PCDHGB3: variants seen among roughly 807,000 people sequenced by gnomAD.
PCDHGB3 encodes the protein protocadherin gamma subfamily B, 3, also known as protocadherin gamma-B3.
Under a neutral mutation model 59.2 loss-of-function variants are expected in PCDHGB3, and 40 were observed. That is an observed-to-expected ratio of 0.68 (90% CI 0.52 to 0.88). The LOEUF is 0.88. Ranked by LOEUF, PCDHGB3 falls within the 40% of genes least tolerant of loss-of-function variation. The pLI is 0.00. For synonymous variants in PCDHGB3, 581 were observed against 503.6 expected, an observed-to-expected ratio of 1.15 and a Z score of -2.06; for missense variants, 1,309 against 1,187.9, an observed-to-expected ratio of 1.10 and a Z score of -1.50.
At chr5:141,380,834 G>T (rs559775684) in intron 1 of PCDHGB3, among the ~76,000 whole-genome samples, 2 of 152,154 alleles carry the variant, frequency 1.3e-5, no homozygotes, top group Admixed American at 1.3e-4. Flanking sequence ...TGAGGCATCA[G>T]GTAAAAATGG....
intron 1 of PCDHGB3, chr5:141,384,375 C>T (rs190245807): frequency 6.2e-7 from 1 of 1,613,912 alleles, no homozygotes; most frequent in South Asian, 1.1e-5. Flanking sequence ...ATTCCTTGGC[C>T]GAAGACACCA....
At chr5:141,505,576 T>C in intron 3 of PCDHGB3, 95 bp downstream of exon 3, 5 of 1,590,334 alleles carry the variant, frequency 3.1e-6, no homozygotes, top group Admixed American at 1.7e-5. Context: ...ATGTCAAACC[T>C]GTGTAGTTTC....
rs745334496 is a variant in PCDHGB3 at position 141,478,302 on chromosome 5, C to A, written c.2416-16505C>A. 47 of 1,613,952 alleles carry A rather than the reference C, an allele frequency of 2.9e-5. 1 individual carries two copies. In the Admixed American group the frequency reaches 7.0e-4, roughly 24 times the overall value. On this transcript the variant is annotated intron_variant, in intron 1 of 3. Transcript: ENST00000576222. ...AAGCAGTCTAGAGACCTATACCGAGCCCCGGTGAGCTCACTGTACCGAACA... is the reference window on the plus strand; with the variant it reads ...AAGCAGTCTAGAGACCTATACCGAGACCCGGTGAGCTCACTGTACCGAACA...
chr5:141,379,192 T>A (rs970501153), intron 1 of PCDHGB3: 36 of 152,346 alleles, frequency 2.4e-4, no homozygotes, highest in African/African-American at 8.7e-4. Context: ...AGTTGATGTG[T>A]TTTTAAATAA....
chr5:141,399,627 CG>C (rs2093851448), intron 1 of PCDHGB3: 1 of 1,613,906 alleles, frequency 6.2e-7, no homozygotes, highest in Non-Finnish European at 8.5e-7. Context: ...TGGCCTCTTA[CG>C]TGTCCATGAG....
intron 1 of PCDHGB3, chr5:141,389,398 T>C (rs1384148422): frequency 1.2e-6 from 2 of 1,613,536 alleles, no homozygotes; most frequent in East Asian, 4.5e-5. Flanking sequence ...TACGTGTCCA[T>C]AAGCGCGGAG....
In PCDHGB3 at chr5:141,385,111, T is replaced by G. The variant is rs373196114; in HGVS notation, c.2415+12302T>G. 2.8e-5 allele frequency: 46 copies of G among 1,614,188 alleles called. No individual in the cohort carries two copies. The African/African-American group carries it at 5.6e-4, about 20-fold the overall frequency. On this transcript the variant is annotated intron_variant, in intron 1 of 3. Transcript: ENST00000576222. ...AGGTGGCTTGGCGAACGTGCCCACCTCGCACTTTGTGGGCATGGACGGGGT... is the reference window on the plus strand; with the variant it reads ...AGGTGGCTTGGCGAACGTGCCCACCGCGCACTTTGTGGGCATGGACGGGGT...
Position 141,432,668 on chromosome 5 carries a change from G to C in PCDHGB3, c.2415+59859G>C, listed in dbSNP as rs1202414814. 2.5e-6 allele frequency: 4 copies of C among 1,613,742 alleles called. No individual in the cohort carries two copies. The highest frequency in any genetic ancestry group is 2.2e-5 in the South Asian group (2 of 91,068). On this transcript the variant is annotated intron_variant, in intron 1 of 3. Coordinates refer to ENST00000576222, the MANE Select transcript of PCDHGB3 (RefSeq NM_018924.5). This position sits in a 1 kb window ranked among gnomAD's most constrained non-coding sequence, Gnocchi z 6.0. The stretch of plus-strand genomic sequence containing the variant: ...GGCGCGAGCCCTGCTGGACAGAGAC[G>C]CGCTCAAGCAGAGCCTCGTAGTGGC...
intron 1 of PCDHGB3, among the ~76,000 whole-genome samples, chr5:141,438,771 C>T (rs1056879944): frequency 1.3e-5 from 2 of 149,126 alleles, no homozygotes; most frequent in Non-Finnish European, 3.0e-5. Flanking sequence ...AAGCGATTCT[C>T]CTGCCTCAGC....
intron 1 of PCDHGB3, chr5:141,384,357 G>A (rs1226263341): frequency 1.2e-6 from 2 of 1,613,734 alleles, no homozygotes; most frequent in African/African-American, 2.7e-5. Flanking sequence ...ATAATGCCCA[G>A]ATCACTTATT....
intron 1 of PCDHGB3, chr5:141,409,458 A>G (rs1435071611): frequency 4.3e-6 from 7 of 1,613,820 alleles, no homozygotes; most frequent in East Asian, 2.2e-5. Context: ...CCAGAATACA[A>G]TGTCACCATC....
At chr5:141,375,992 G>C in intron 1 of PCDHGB3, 5 of 1,613,446 alleles carry the variant, frequency 3.1e-6, no homozygotes, top group Non-Finnish European at 4.2e-6. Context: ...GGACAGAGAC[G>C]CGCTCAAGCA....
At chr5:141,480,942 G>T (rs2099528600) in intron 1 of PCDHGB3, among the ~76,000 whole-genome samples, 3 of 152,132 alleles carry the variant, frequency 2.0e-5, no homozygotes, top group Non-Finnish European at 2.9e-5. Flanking sequence ...CTACTCTAGA[G>T]GCTGAGGCGG....
At chr5:141,382,900 A>G (rs564801333) in intron 1 of PCDHGB3, 1 of 1,542,254 alleles carries the variant, frequency 6.5e-7, no homozygotes, top group South Asian at 1.3e-5. Context: ...CAGGACGACT[A>G]TGGCGGCTCA....
chr5:141,404,499 C>T lies in PCDHGB3; in HGVS notation c.2415+31690C>T, dbSNP rs147632103. ...AACTCAGACACTGGTGTGCTGTATG[C>T]TCTGTGCTCCTTTGACTATGAGCAG... On this transcript the variant is annotated intron_variant, in intron 1 of 3. Coordinates refer to ENST00000576222, the MANE Select transcript of PCDHGB3 (RefSeq NM_018924.5). 1.0e-4 allele frequency: 163 copies of T among 1,613,840 alleles called. 1 individual carries two copies. The East Asian group carries it at 3.6e-3, about 36-fold the overall frequency.
intron 1 of PCDHGB3, among the ~76,000 whole-genome samples, chr5:141,475,504 T>C (rs1202550150): frequency 1.3e-5 from 2 of 152,254 alleles, no homozygotes; most frequent in Non-Finnish European, 2.9e-5. Flanking sequence ...AAATTATTAA[T>C]GTCTCCACGG....
chr5:141,403,384 A>C lies in PCDHGB3; in HGVS notation c.2415+30575A>C, dbSNP rs201959000. 4.4e-4 allele frequency: 703 copies of C among 1,614,030 alleles called. No homozygotes were observed. Among genetic ancestry groups the C allele is most frequent in the Non-Finnish European group, 5.5e-4 (652 of 1,179,890 alleles). ...AAAGTCTGGAAGTAAAAATTAACGA[A>C]ATCGCGGTTCCTGGAGCACGTTATC... On this transcript the variant is annotated intron_variant, in intron 1 of 3. Coordinates refer to ENST00000576222, the MANE Select transcript of PCDHGB3 (RefSeq NM_018924.5).
At chr5:141,456,971 A>G (rs1031714073) in intron 1 of PCDHGB3, among the ~76,000 whole-genome samples, 1 of 147,384 alleles carries the variant, frequency 6.8e-6, no homozygotes, top group Non-Finnish European at 1.5e-5. Context: ...TCAAAACAAA[A>G]CAAACAAACA....
At chr5:141,389,573 C>T (rs778800357) in intron 1 of PCDHGB3, 2 of 1,613,242 alleles carry the variant, frequency 1.2e-6, no homozygotes, top group African/African-American at 1.3e-5. Flanking sequence ...TGCTGTACCC[C>T]GCGCTGGGTC....
Sources: allele counts gnomAD v4.1 joint callset (sites outside exome capture counted in the v4.1 genomes callset), GRCh38; gene constraint gnomAD v4.1.1; non-coding constraint Gnocchi (gnomAD v3.1); transcripts MANE v1.5; gene names NCBI Gene and HGNC (gene_info 2026-07-23, HGNC 2026-07-21).